Variants in SPINK2 observed in about 807,000 individuals in gnomAD.
The protein encoded by SPINK2 is serine peptidase inhibitor Kazal type 2, also known as serine protease inhibitor Kazal-type 2.
In SPINK2, 8 loss-of-function variants were observed where a neutral mutation model predicts 13.5. The observed-to-expected ratio is 0.59, with a 90% CI of 0.35 to 1.07. The LOEUF (loss-of-function observed/expected upper bound fraction) is 1.07. Ranked by LOEUF, SPINK2 falls within the 50% of genes least tolerant of loss-of-function variation. The pLI is 0.02. For synonymous variants in SPINK2, 76 were observed against 74.7 expected, an observed-to-expected ratio of 1.02 and a Z score of -0.09; for missense variants, 148 against 180.3, an observed-to-expected ratio of 0.82 and a Z score of 1.03.
chr4:56,816,877 C>CA (rs779847429), intron 2 of SPINK2, among the ~76,000 whole-genome samples: 14 of 143,584 alleles, frequency 9.8e-5, no homozygotes, highest in South Asian at 8.9e-4. Flanking sequence ...GACACTGTCT[C>CA]AAAAAAAAAA....
At chr4:56,812,563 C>CAAAAA (rs57162077) in intron 2 of SPINK2, among the ~76,000 whole-genome samples, 1 of 16,362 alleles carries the variant, frequency 6.1e-5, no homozygotes, top group African/African-American at 1.9e-4. Flanking sequence ...AACTCCATCT[C>CAAAAA]AAAAAAAAAA....
intron 2 of SPINK2, among the ~76,000 whole-genome samples, chr4:56,814,418 G>A (rs1039345644): frequency 6.6e-6 from 1 of 152,000 alleles, no homozygotes; most frequent in Non-Finnish European, 1.5e-5. Flanking sequence ...CTCATTTACA[G>A]ATGTTACGGG....
intron 2 of SPINK2, among the ~76,000 whole-genome samples, chr4:56,818,554 G>A (rs192349418): frequency 1.5e-3 from 232 of 152,190 alleles, no homozygotes; most frequent in African/African-American, 5.4e-3. Context: ...TCAGCTACTC[G>A]GGAGGCTAAG....
intron 2 of SPINK2, among the ~76,000 whole-genome samples, chr4:56,817,939 T>C (rs954172933): frequency 6.6e-6 from 1 of 151,920 alleles, no homozygotes; most frequent in African/African-American, 2.4e-5. Context: ...AAAAGTAGGC[T>C]GTGTCGATGA....
In SPINK2 at chr4:56,809,898, A is replaced by G; in HGVS notation, c.*241T>C. On this transcript the variant is annotated 3_prime_UTR_variant, in exon 4 of 4. Transcript: ENST00000506738. ...TGATTTTATTTCAACTAAATAAAGC[A>G]ATGCACAAGTCACCTGGGCAGTAAG... 1 of 973,888 alleles carries G rather than the reference A, an allele frequency of 1.0e-6. No individual in the cohort carries two copies. 60.3% of individuals were successfully genotyped at this position (973,888 alleles called of 1,614,324 possible).
chr4:56,812,644 C>T (rs1402310245), intron 2 of SPINK2, among the ~76,000 whole-genome samples: 1 of 149,678 alleles, frequency 6.7e-6, no homozygotes, highest in Non-Finnish European at 1.5e-5. Context: ...CTAAGACATG[C>T]CACCACACCT....
intron 2 of SPINK2, among the ~76,000 whole-genome samples, chr4:56,812,239 TG>T (rs1490307542): frequency 1.3e-5 from 2 of 151,542 alleles, no homozygotes; most frequent in Non-Finnish European, 2.9e-5. Context: ...GTTGGTGTGA[TG>T]GTTCAATACA....
At chr4:56,821,761 G>A, upstream of SPINK2, 1 of 1,271,052 alleles carries the variant, frequency 7.9e-7, no homozygotes, top group South Asian at 1.6e-5. Flanking sequence ...GGGGGAAGGG[G>A]CGGGGCGAGA....
In SPINK2 at chr4:56,811,809, G is replaced by A. The variant is rs1331275874; in HGVS notation, c.250-15C>T. The A allele has an allele frequency of 3.8e-6, 6 of 1,559,312 alleles. No homozygotes were observed. In the African/African-American group the frequency reaches 8.2e-5, roughly 21 times the overall value. On this transcript the variant is annotated splice_polypyrimidine_tract_variant and intron_variant, in intron 2 of 3. Coordinates refer to ENST00000506738, the MANE Select transcript of SPINK2 (RefSeq NM_001271718.2). ...GAGCAGTTTGGCTGGAAAAAAGAAA[G>A]AGAGAAATTCGAGAATGACTTGAGA...
chr4:56,813,125 C>T (rs566451264), intron 2 of SPINK2, among the ~76,000 whole-genome samples: 78 of 152,220 alleles, frequency 5.1e-4, no homozygotes, highest in Non-Finnish European at 8.1e-4. Flanking sequence ...AGTTCAAGAC[C>T]AGCCTGGGTC....
chr4:56,815,064 G>C (rs532549456), intron 2 of SPINK2, among the ~76,000 whole-genome samples: 1 of 151,682 alleles, frequency 6.6e-6, no homozygotes. Flanking sequence ...CAGCCTAGGG[G>C]ACAAGGGTGA....
intron 2 of SPINK2, among the ~76,000 whole-genome samples, chr4:56,817,621 C>A (rs948653208): frequency 7.3e-5 from 7 of 96,510 alleles, no homozygotes; most frequent in Admixed American, 6.7e-4. Context: ...GAGGCCGAGG[C>A]GGGCAGATGA....
intron 3 of SPINK2, among the ~76,000 whole-genome samples, chr4:56,811,269 T>C (rs1156925807): frequency 6.6e-6 from 1 of 152,140 alleles, no homozygotes; most frequent in Non-Finnish European, 1.5e-5. Context: ...ATACCACCTT[T>C]GATTCTTACA....
At chr4:56,816,476 AC>A (rs1288412123) in intron 2 of SPINK2, among the ~76,000 whole-genome samples, 5 of 151,714 alleles carry the variant, frequency 3.3e-5, no homozygotes, top group African/African-American at 1.2e-4. Flanking sequence ...ACCTGGTGAA[AC>A]CCCGTCTCTA....
chr4:56,815,768 A>ACACAC (rs1717391764), intron 2 of SPINK2, among the ~76,000 whole-genome samples: 1 of 130,706 alleles, frequency 7.7e-6, no homozygotes, highest in East Asian at 4.3e-4. Context: ...AAATTCACAC[A>ACACAC]CACACACACA....
chr4:56,818,669 C>CA (rs1276160961), intron 2 of SPINK2, among the ~76,000 whole-genome samples: 1 of 151,658 alleles, frequency 6.6e-6, no homozygotes. Context: ...CTCCAAAAAA[C>CA]AAAAAAAGAC....
At chr4:56,813,448 C>A (rs1216433901) in intron 2 of SPINK2, among the ~76,000 whole-genome samples, 1 of 152,076 alleles carries the variant, frequency 6.6e-6, no homozygotes, top group Non-Finnish European at 1.5e-5. Context: ...TAGTCCATGG[C>A]CTGTTAGGAA....
At chr4:56,819,867 G>A (rs1159194058) in intron 2 of SPINK2, among the ~76,000 whole-genome samples, 3 of 151,958 alleles carry the variant, frequency 2.0e-5, no homozygotes, top group Admixed American at 6.6e-5. Flanking sequence ...TGCCCACCTC[G>A]GCCTCCCAAA....
intron 2 of SPINK2, among the ~76,000 whole-genome samples, chr4:56,813,863 C>T (rs939502847): frequency 6.6e-6 from 1 of 151,630 alleles, no homozygotes; most frequent in South Asian, 2.1e-4. Flanking sequence ...AGGTGATCTG[C>T]CCGCCTCAGC....
Sources: allele counts gnomAD v4.1 joint callset (sites outside exome capture counted in the v4.1 genomes callset), GRCh38; gene constraint gnomAD v4.1.1; transcripts MANE v1.5; gene names NCBI Gene and HGNC (gene_info 2026-07-23, HGNC 2026-07-21).